Variants in ERICH1 observed in about 807,000 individuals in gnomAD.
ERICH1 encodes glutamate rich 1, also known as glutamate-rich protein 1.
In ERICH1, 56 loss-of-function variants were observed where a neutral mutation model predicts 39.6. The ratio of observed to expected loss-of-function variants is 1.41; its 90% confidence interval spans 1.14 to 1.77. The LOEUF (loss-of-function observed/expected upper bound fraction) is 1.77, where lower values mean the gene tolerates loss of function less well. Among genes scored for constraint, ERICH1 ranks in the 40% most tolerant of loss-of-function variants. The pLI is 0.00. For missense variants in ERICH1, 826 were observed against 575.4 expected (o/e 1.44, Z -4.45); for synonymous variants, 313 against 223.6 (o/e 1.40, Z -3.57).
At chr8:631,725 G>A (rs1346706916) in intron 3 of ERICH1, among the ~76,000 whole-genome samples, 1 of 152,168 alleles carries the variant, frequency 6.6e-6, no homozygotes, top group Non-Finnish European at 1.5e-5. Context: ...TCACACTGGT[G>A]CAGCCGTCCA....
chr8:719,963 CA>C (rs1255026948), intron 1 of ERICH1, among the ~76,000 whole-genome samples: 1 of 150,492 alleles, frequency 6.6e-6, no homozygotes, highest in East Asian at 2.0e-4. Context: ...CAAGGCCCTA[CA>C]AGGTACCGCA....
At chr8:701,955 T>C (rs1345906529) in intron 2 of ERICH1, among the ~76,000 whole-genome samples, 1 of 150,676 alleles carries the variant, frequency 6.6e-6, no homozygotes, top group East Asian at 2.0e-4. Context: ...CCAGGCATGG[T>C]GGCGGGCGCT....
chr8:699,557 C>T (rs1018089732), intron 2 of ERICH1, among the ~76,000 whole-genome samples: 1 of 151,906 alleles, frequency 6.6e-6, no homozygotes, highest in East Asian at 1.9e-4. Context: ...CAAAAGCAGG[C>T]GTTCCAGAGA....
chr8:652,053 G>C (rs984824296), intron 3 of ERICH1, among the ~76,000 whole-genome samples: 4 of 152,192 alleles, frequency 2.6e-5, no homozygotes, highest in Non-Finnish European at 5.9e-5. Context: ...TGGAGGCAGA[G>C]CGTTTGCGGG....
chr8:655,487 C>G (rs1800519346), intron 3 of ERICH1, among the ~76,000 whole-genome samples: 1 of 152,192 alleles, frequency 6.6e-6, no homozygotes, highest in African/African-American at 2.4e-5. Context: ...GATGGTGCAC[C>G]AGCACCTGCC....
rs574705924 is a variant in ERICH1 at position 675,103 on chromosome 8, T to G, written c.305-1056A>C. On this transcript the variant is annotated intron_variant, in intron 3 of 5. Transcript: ENST00000262109. ...AACCATGGCAGTCTCAACACCTCAGTGAGGACAGAGACGTGGCGGCCCCTC... is the reference window on the plus strand; with the variant it reads ...AACCATGGCAGTCTCAACACCTCAGGGAGGACAGAGACGTGGCGGCCCCTC... Among the ~76,000 whole-genome samples, 3 of 148,892 alleles carry G rather than the reference T, an allele frequency of 2.0e-5. 1 individual carries two copies. Among genetic ancestry groups the G allele is most frequent in the African/African-American group, 5.0e-5 (2 of 40,070 alleles).
chr8:632,396 G>T (rs1798097393), intron 3 of ERICH1, among the ~76,000 whole-genome samples: 2 of 152,110 alleles, frequency 1.3e-5, no homozygotes, highest in Admixed American at 1.3e-4. Context: ...TATTTCAGAT[G>T]AAAAGAAAGT....
chr8:708,439 T>C (rs1813802882), intron 2 of ERICH1, among the ~76,000 whole-genome samples: 1 of 152,174 alleles, frequency 6.6e-6, no homozygotes, highest in Non-Finnish European at 1.5e-5. Context: ...ATGTGGTCTA[T>C]TCATACAGTG....
chr8:699,110 G>C (rs1014596008), intron 2 of ERICH1, among the ~76,000 whole-genome samples: 2 of 151,854 alleles, frequency 1.3e-5, no homozygotes, highest in African/African-American at 2.4e-5. Flanking sequence ...GGGAAACCCT[G>C]TCTCAAAAAA....
chr8:688,222 T>TC (rs944491464), intron 3 of ERICH1, among the ~76,000 whole-genome samples: 1 of 98,772 alleles, frequency 1.0e-5, no homozygotes, highest in Non-Finnish European at 2.1e-5. Context: ...CACGCAGGTT[T>TC]CCCGACGTTC....
intron 3 of ERICH1, among the ~76,000 whole-genome samples, chr8:633,424 G>A (rs1798177155): frequency 6.6e-6 from 1 of 152,150 alleles, no homozygotes; most frequent in Admixed American, 6.5e-5. Flanking sequence ...CACAGTGTGG[G>A]AAGAAAAGGG....
At chr8:722,228 G>GA (rs137892907) in intron 1 of ERICH1, among the ~76,000 whole-genome samples, 4,015 of 140,678 alleles carry the variant, frequency 0.029, 206 homozygotes, top group African/African-American at 0.098. Flanking sequence ...AATGCCAATC[G>GA]AAAAAAAAAA....
chr8:692,998 T>A (rs1809266657), intron 2 of ERICH1, among the ~76,000 whole-genome samples: 2 of 152,312 alleles, frequency 1.3e-5, no homozygotes, highest in South Asian at 2.1e-4. Context: ...GGGATTTCAC[T>A]GCACAGACTT....
rs1563236923 is a variant in ERICH1 at position 676,487 on chromosome 8, A to AGG, written c.305-2441_305-2440insCC. On this transcript the variant is annotated intron_variant, in intron 3 of 5. Coordinates refer to ENST00000262109, the MANE Select transcript of ERICH1 (RefSeq NM_207332.3). ...CGGCGGCCCCTCGGCGAGGACAGAG[A>AGG]CGCGGCGGCCCCTCGTGAGGACAGA... is the stretch of plus-strand genomic sequence containing the variant. Among the ~76,000 whole-genome samples the AGG allele has an allele frequency of 8.4e-5, 4 of 47,724 alleles. 1 individual carries two copies. Among genetic ancestry groups the AGG allele is most frequent in the African/African-American group, 4.3e-4 (4 of 9,356 alleles). 31.3% of individuals were successfully genotyped at this position (47,724 alleles called of 152,430 possible).
At chr8:671,318 G>A (rs1030816632) in intron 4 of ERICH1, among the ~76,000 whole-genome samples, 2 of 149,658 alleles carry the variant, frequency 1.3e-5, no homozygotes, top group African/African-American at 5.0e-5. Flanking sequence ...TGCCGGCCCC[G>A]GCTCTAATGT....
At chr8:621,984 G>T (rs1797312044) in intron 3 of ERICH1, among the ~76,000 whole-genome samples, 1 of 152,220 alleles carries the variant, frequency 6.6e-6, no homozygotes, top group Non-Finnish European at 1.5e-5. Context: ...GGAGGCCAAG[G>T]CATGACGATC....
At chr8:688,493 C>G (rs898986590) in intron 3 of ERICH1, among the ~76,000 whole-genome samples, 2 of 151,798 alleles carry the variant, frequency 1.3e-5, no homozygotes, top group African/African-American at 4.8e-5. Flanking sequence ...TCAGCTCCTA[C>G]AACGCCACGG....
chr8:634,986 C>A (rs1443939006), intron 3 of ERICH1, among the ~76,000 whole-genome samples: 2 of 152,036 alleles, frequency 1.3e-5, no homozygotes, highest in South Asian at 2.1e-4. Flanking sequence ...TCACGGTGGC[C>A]GTCGGAGTTC....
rs59283892 is a variant in ERICH1 at position 635,928 on chromosome 8, G to A, written c.977-20644C>T. On this transcript the variant is annotated intron_variant, in intron 3 of 3. Transcript: ENST00000522706. ...ACTTGCAAGCGGCTCTTACGCGGCA[G>A]GTGCGGTGATTCCTCATCCTGCGAG... Among the ~76,000 whole-genome samples, 827 of 152,346 alleles carry A rather than the reference G, an allele frequency of 5.4e-3. 7 individuals carry two copies. The highest frequency in any genetic ancestry group is 0.019 in the African/African-American group (788 of 41,586).
Sources: gnomAD v4.1 joint callset for allele counts (sites outside exome capture counted in the v4.1 genomes callset) on GRCh38, gnomAD v4.1.1 for gene constraint, MANE v1.5 for transcripts, NCBI Gene and HGNC (gene_info 2026-07-23, HGNC 2026-07-21) for gene names.